The following RGL1 variants were observed in gnomAD, a reference collection of about 807,000 sequenced individuals.
RGL1 encodes the protein ral guanine nucleotide dissociation stimulator-like 1.
RGL1 carries 24 observed loss-of-function variants against 95.2 expected under a neutral mutation model. The ratio of observed to expected loss-of-function variants is 0.25; its 90% confidence interval spans 0.18 to 0.35. The LOEUF is 0.35. RGL1 is among the 10% of genes least tolerant of loss of function. RGL1 has a pLI of 1.00. For missense variants in RGL1, 715 were observed against 936.3 expected, an observed-to-expected ratio of 0.76 and a Z score of 3.08; for synonymous variants, 329 against 344.9, an observed-to-expected ratio of 0.95 and a Z score of 0.51.
At chr1:183,672,129 C>T (rs560616169) in intron 1 of RGL1, among the ~76,000 whole-genome samples, 231 of 152,038 alleles carry the variant, frequency 1.5e-3, no homozygotes, top group African/African-American at 5.4e-3. Flanking sequence ...GATGGGGTTT[C>T]GCCATGTTGG....
intron 3 of RGL1, among the ~76,000 whole-genome samples, chr1:183,848,968 G>A (rs1045488719): frequency 2.6e-5 from 4 of 151,768 alleles, no homozygotes; most frequent in Admixed American, 1.3e-4. Context: ...ACACATTTAT[G>A]TACTGTATGT....
chr1:183,734,699 A>T lies in RGL1; in HGVS notation c.-32-7427A>T, dbSNP rs550581741. The stretch of plus-strand genomic sequence containing the variant: ...TGAAACATTTGAGCCTGGGACAGTC[A>T]TGTGATTTACAGTTTTGTCTTGTTT... On this transcript the variant is annotated intron_variant, in intron 1 of 18. Transcript: ENST00000304685. 2.0e-4 allele frequency among the ~76,000 whole-genome samples: 31 copies of T among 152,366 alleles called. No homozygotes were observed. In the South Asian group the frequency reaches 6.4e-3, roughly 32 times the overall value.
At chr1:183,674,010 T>G (rs917907158) in intron 1 of RGL1, among the ~76,000 whole-genome samples, 15 of 152,204 alleles carry the variant, frequency 9.9e-5, no homozygotes, top group African/African-American at 3.6e-4. Context: ...ACCTCTATTC[T>G]TTTTCTTGTG....
chr1:183,815,676 C>T (rs896362033), intron 2 of RGL1, among the ~76,000 whole-genome samples: 11 of 152,186 alleles, frequency 7.2e-5, no homozygotes, highest in African/African-American at 2.7e-4. Context: ...GTGAGCTATA[C>T]AGGCCTGAGC....
chr1:183,668,794 TC>T, intron 1 of RGL1, among the ~76,000 whole-genome samples: 1 of 152,266 alleles, frequency 6.6e-6, no homozygotes, highest in Admixed American at 6.5e-5. Flanking sequence ...AAATATTGCT[TC>T]TGCTCTTTTC....
chr1:183,868,461 A>G (rs1004770932), intron 4 of RGL1, among the ~76,000 whole-genome samples: 1 of 152,176 alleles, frequency 6.6e-6, no homozygotes, highest in South Asian at 2.1e-4. Context: ...CTATAGCATC[A>G]GCATCTCCTG....
At chr1:183,797,962 G>C (rs1268273636) in intron 2 of RGL1, among the ~76,000 whole-genome samples, 1 of 152,174 alleles carries the variant, frequency 6.6e-6, no homozygotes, top group African/African-American at 2.4e-5. Context: ...TCCTCCAAAA[G>C]GTTTTATGGA....
intron 9 of RGL1, among the ~76,000 whole-genome samples, chr1:183,897,543 C>A (rs184697029): frequency 6.7e-6 from 1 of 148,448 alleles, no homozygotes; most frequent in East Asian, 2.0e-4. Context: ...AGTGAGACTT[C>A]GTCTCAAAAA....
At chr1:183,877,288 C>G (rs984859745) in intron 4 of RGL1, among the ~76,000 whole-genome samples, 2 of 152,238 alleles carry the variant, frequency 1.3e-5, no homozygotes, top group African/African-American at 4.8e-5. Flanking sequence ...TCCCCCCACT[C>G]TGTTCTGGTT....
intron 8 of RGL1, among the ~76,000 whole-genome samples, chr1:183,889,580 G>T (rs532088308): frequency 6.6e-6 from 1 of 152,284 alleles, no homozygotes; most frequent in South Asian, 2.1e-4. Flanking sequence ...AGAGCCCCAA[G>T]CTGGTAAACC....
chr1:183,767,789 C>T (rs1659058857), intron 2 of RGL1, among the ~76,000 whole-genome samples: 1 of 152,108 alleles, frequency 6.6e-6, no homozygotes, highest in Non-Finnish European at 1.5e-5. Context: ...CCCATCTCTA[C>T]TAAAAATACA....
intron 2 of RGL1, among the ~76,000 whole-genome samples, chr1:183,811,585 A>G (rs938726569): frequency 1.3e-5 from 2 of 152,238 alleles, no homozygotes; most frequent in African/African-American, 4.8e-5. Flanking sequence ...ACACGTTTTT[A>G]AAATTATTAA....
intron 7 of RGL1, among the ~76,000 whole-genome samples, chr1:183,887,201 C>CT (rs1558272602): frequency 0.019 from 5 of 268 alleles, no homozygotes; most frequent in Non-Finnish European, 0.034. Flanking sequence ...CCTCCTTCCC[C>CT]TCCTTCTTCT....
At chr1:183,860,828 C>T (rs2102578247) in intron 3 of RGL1, among the ~76,000 whole-genome samples, 1 of 152,302 alleles carries the variant, frequency 6.6e-6, no homozygotes, top group South Asian at 2.1e-4. Flanking sequence ...GCTGTATCCT[C>T]AATGTCTAGA....
At chr1:183,641,220 G>A (rs182558471) in intron 1 of RGL1, among the ~76,000 whole-genome samples, 120 of 152,062 alleles carry the variant, frequency 7.9e-4, no homozygotes, top group African/African-American at 2.7e-3. Flanking sequence ...CTGCAGCCTC[G>A]ACCTCCCAGG....
chr1:183,844,416 G>C (rs2102527406), intron 2 of RGL1, among the ~76,000 whole-genome samples: 1 of 152,272 alleles, frequency 6.6e-6, no homozygotes, highest in East Asian at 1.9e-4. Flanking sequence ...AGTTCTGCAA[G>C]ATGCTCTCAG....
chr1:183,645,619 G>T (rs1650235787), intron 1 of RGL1, among the ~76,000 whole-genome samples: 1 of 152,214 alleles, frequency 6.6e-6, no homozygotes, highest in Non-Finnish European at 1.5e-5. Context: ...AGCCTGATAT[G>T]ACCAAGAATC....
intron 3 of RGL1, among the ~76,000 whole-genome samples, chr1:183,858,130 G>A (rs1219614251): frequency 1.3e-5 from 2 of 151,750 alleles, no homozygotes; most frequent in Non-Finnish European, 2.9e-5. Context: ...CTTAACATTT[G>A]TAAACTACAA....
In RGL1 at chr1:183,897,918, C is replaced by T. The variant is rs377365057; in HGVS notation, c.1230+21C>T. ...ACATGGTATGTCTGGCCCTCGTCTT[C>T]CCTGACAGCTCACAGAGGAGAAGGG... is the stretch of plus-strand genomic sequence containing the variant. On this transcript the variant is annotated intron_variant, in intron 10 of 17. Transcript: ENST00000360851. The T allele has an allele frequency of 3.1e-6, 5 of 1,603,120 alleles. No individual in the cohort carries two copies. The African/African-American group carries it at 4.0e-5, about 13-fold the overall frequency.
Sources: gnomAD v4.1 joint callset for allele counts (sites outside exome capture counted in the v4.1 genomes callset) on GRCh38, gnomAD v4.1.1 for gene constraint, MANE v1.5 for transcripts, NCBI Gene and HGNC (gene_info 2026-07-23, HGNC 2026-07-21) for gene names.